RIMS2: variants seen among roughly 807,000 people sequenced by gnomAD.
RIMS2 encodes the protein regulating synaptic membrane exocytosis 2.
RIMS2 carries 59 observed loss-of-function variants against 174.4 expected under a neutral mutation model. That is an observed-to-expected ratio of 0.34 (90% CI 0.27 to 0.42). The LOEUF is 0.42. RIMS2 is among the 10% of genes least tolerant of loss of function. The pLI is 1.00. For synonymous variants in RIMS2, 606 were observed against 572.5 expected, an observed-to-expected ratio of 1.06 and a Z score of -0.84; for missense variants, 1,620 against 1,666.3, an observed-to-expected ratio of 0.97 and a Z score of 0.48.
At chr8:104,246,530 A>G (rs944370891) in intron 20 of RIMS2, among the ~76,000 whole-genome samples, 1 of 152,218 alleles carries the variant, frequency 6.6e-6, no homozygotes, top group Admixed American at 6.5e-5. Flanking sequence ...AATAAGAAAA[A>G]TTGTTAAAAT....
chr8:103,841,437 G>C (rs2098939242), intron 3 of RIMS2, among the ~76,000 whole-genome samples: 1 of 151,416 alleles, frequency 6.6e-6, no homozygotes, highest in Non-Finnish European at 1.5e-5. Flanking sequence ...ATGATTCTCT[G>C]TCTCGGTGTA....
At chr8:103,895,076 A>G (rs957705248) in intron 4 of RIMS2, among the ~76,000 whole-genome samples, 1 of 151,348 alleles carries the variant, frequency 6.6e-6, no homozygotes, top group Non-Finnish European at 1.5e-5. Flanking sequence ...CAGAATTTAA[A>G]TTACTTTGCT....
intron 3 of RIMS2, among the ~76,000 whole-genome samples, chr8:103,827,166 T>TA (rs1230494730): frequency 6.6e-6 from 1 of 152,208 alleles, no homozygotes; most frequent in African/African-American, 2.4e-5. Flanking sequence ...TTATAGTTTT[T>TA]AGAGTAGAGA....
At chr8:103,680,960 C>G (rs1011817152) in intron 1 of RIMS2, among the ~76,000 whole-genome samples, 8 of 151,762 alleles carry the variant, frequency 5.3e-5, no homozygotes, top group African/African-American at 1.9e-4. Flanking sequence ...CGTCATATTT[C>G]TGCGTAAATG....
intron 2 of RIMS2, among the ~76,000 whole-genome samples, chr8:103,743,928 C>T (rs1030187625): frequency 7.2e-5 from 11 of 151,952 alleles, no homozygotes; most frequent in Admixed American, 6.6e-5. Flanking sequence ...TTTTTTTCTC[C>T]TTTAGTCTAT....
intron 2 of RIMS2, among the ~76,000 whole-genome samples, chr8:103,716,010 T>C (rs898813993): frequency 6.6e-6 from 1 of 152,050 alleles, no homozygotes; most frequent in African/African-American, 2.4e-5. Flanking sequence ...TTTCCCAATG[T>C]TTGGATGTTT....
chr8:103,928,854 A>AAGAT (rs1431649924), intron 11 of RIMS2, among the ~76,000 whole-genome samples: 3 of 151,484 alleles, frequency 2.0e-5, no homozygotes, highest in Non-Finnish European at 4.4e-5. Flanking sequence ...CAGAATTGTG[A>AAGAT]AGATATGTTT....
At chr8:103,958,380 A>G (rs934147780) in intron 14 of RIMS2, among the ~76,000 whole-genome samples, 2 of 152,166 alleles carry the variant, frequency 1.3e-5, no homozygotes, top group African/African-American at 4.8e-5. Flanking sequence ...AAGGAAAGGA[A>G]CAACAGACCC....
chr8:103,988,552 C>CGCTT (rs2154550178), intron 16 of RIMS2, among the ~76,000 whole-genome samples: 1 of 152,250 alleles, frequency 6.6e-6, no homozygotes, highest in South Asian at 2.1e-4. Context: ...CTCCACCTCC[C>CGCTT]GGGTTCAAGC....
At chr8:103,543,434 C>A (rs1006046537) in intron 1 of RIMS2, among the ~76,000 whole-genome samples, 2 of 152,060 alleles carry the variant, frequency 1.3e-5, no homozygotes, top group African/African-American at 2.4e-5. Context: ...GTTCATACTA[C>A]TCAAAACTAT....
chr8:103,987,610 A>T (rs75967685), intron 16 of RIMS2, among the ~76,000 whole-genome samples: 111 of 152,268 alleles, frequency 7.3e-4, no homozygotes, highest in African/African-American at 2.6e-3. Flanking sequence ...CACTGTTTAA[A>T]ATAGTACTTC....
intron 3 of RIMS2, among the ~76,000 whole-genome samples, chr8:103,778,139 A>G (rs2098339084): frequency 6.6e-6 from 1 of 152,038 alleles, no homozygotes; most frequent in African/African-American, 2.4e-5. Flanking sequence ...TTTTTTATTG[A>G]TGTATAATAC....
At chr8:104,199,544 C>T (rs1376281210) in intron 19 of RIMS2, among the ~76,000 whole-genome samples, 1 of 152,102 alleles carries the variant, frequency 6.6e-6, no homozygotes, top group Non-Finnish European at 1.5e-5. Context: ...CGTCAGTATG[C>T]CAGACTGGTA....
chr8:103,605,858 A>G (rs2095047197), intron 1 of RIMS2, among the ~76,000 whole-genome samples: 1 of 150,908 alleles, frequency 6.6e-6, no homozygotes, highest in African/African-American at 2.5e-5. Context: ...CCCCTTTATC[A>G]TTTTTTATTG....
intron 1 of RIMS2, among the ~76,000 whole-genome samples, chr8:103,526,265 C>T (rs185754103): frequency 6.6e-5 from 10 of 152,246 alleles, no homozygotes; most frequent in Admixed American, 4.6e-4. Flanking sequence ...TTAGAATCAT[C>T]GTAGTCTTTA....
intron 1 of RIMS2, among the ~76,000 whole-genome samples, chr8:103,524,387 G>A (rs796627159): frequency 1.6e-4 from 24 of 152,144 alleles, no homozygotes; most frequent in African/African-American, 5.3e-4. Context: ...CCACGCCACC[G>A]AAAGTTGTGT....
intron 3 of RIMS2, among the ~76,000 whole-genome samples, chr8:103,835,865 A>G (rs1198008042): frequency 3.3e-5 from 5 of 152,226 alleles, no homozygotes; most frequent in Non-Finnish European, 7.3e-5. Context: ...ACTTTTCAAT[A>G]TTCTTTCTTT....
At chr8:103,593,242 T>A (rs10106092) in intron 1 of RIMS2, among the ~76,000 whole-genome samples, 26,591 of 151,336 alleles carry the variant, frequency 0.18, 2,535 homozygotes, top group African/African-American at 0.23. Context: ...TCAGTGGTGA[T>A]GTTAATGATA....
chr8:103,844,398 A>G (rs193282078), intron 3 of RIMS2, among the ~76,000 whole-genome samples: 11 of 152,304 alleles, frequency 7.2e-5, no homozygotes, highest in Admixed American at 1.3e-4. Flanking sequence ...TCCATATTTC[A>G]TTAAAGGTTT....
Sources: gnomAD v4.1 joint callset for allele counts (sites outside exome capture counted in the v4.1 genomes callset) on GRCh38, gnomAD v4.1.1 for gene constraint, MANE v1.5 for transcripts, NCBI Gene and HGNC (gene_info 2026-07-23, HGNC 2026-07-21) for gene names.